The following POU6F2 variants were observed in gnomAD, a reference collection of about 807,000 sequenced individuals.
POU6F2 encodes the protein POU class 6 homeobox 2, also known as POU domain, class 6, transcription factor 2.
A neutral mutation model predicts 71.3 loss-of-function variants in POU6F2; 31 were observed. The ratio of observed to expected loss-of-function variants is 0.43; its 90% confidence interval spans 0.33 to 0.59. The LOEUF is 0.59. POU6F2 is among the 20% of genes least tolerant of loss of function. POU6F2 has a pLI of 0.04. For synonymous variants in POU6F2, 347 were observed against 355.7 expected (o/e 0.98, Z 0.27); for missense variants, 783 against 856.8 (o/e 0.91, Z 1.07).
rs1376059853 is a variant in POU6F2, at chr7:39,073,466, A to C, written c.106-12394A>C. ...GAAGATTTAGCTAATCTTTCCAATC[A>C]CATTCTTCCTTCCTCCCCACCCCCA... On this transcript the variant is annotated intron_variant, in intron 1 of 9. Coordinates refer to ENST00000518318, the MANE Select transcript of POU6F2 (RefSeq NM_001370959.1). Among the ~76,000 whole-genome samples, 3 of 151,346 alleles carry C rather than the reference A, an allele frequency of 2.0e-5. No individual in the cohort carries two copies. The East Asian group carries it at 5.8e-4, about 29-fold the overall frequency.
chr7:39,288,420 T>C (rs1316907836), intron 4 of POU6F2, among the ~76,000 whole-genome samples: 1 of 152,202 alleles, frequency 6.6e-6, no homozygotes, highest in African/African-American at 2.4e-5. Flanking sequence ...AATATAGAGC[T>C]TCTAGCATAG....
At chr7:39,148,849 G>T (rs1375900584) in intron 2 of POU6F2, among the ~76,000 whole-genome samples, 1 of 152,216 alleles carries the variant, frequency 6.6e-6, no homozygotes, top group African/African-American at 2.4e-5. Context: ...ACATTGAGTG[G>T]CAGGAGTTGT....
chr7:39,397,814 G>GTGTATATATATATATATATATA (rs1554349981), intron 5 of POU6F2, among the ~76,000 whole-genome samples: 1 of 128,446 alleles, frequency 7.8e-6, no homozygotes, highest in African/African-American at 3.3e-5. Flanking sequence ...TATATTTTGT[G>GTGTATATATATATATATATATA]TATATATATA....
chr7:39,348,652 G>T (rs909027034), intron 5 of POU6F2, among the ~76,000 whole-genome samples: 1 of 152,098 alleles, frequency 6.6e-6, no homozygotes, highest in Non-Finnish European at 1.5e-5. Flanking sequence ...GTTCATTTTG[G>T]TTATTAGTGA....
intron 4 of POU6F2, among the ~76,000 whole-genome samples, chr7:39,281,739 T>C (rs554875314): frequency 1.8e-4 from 28 of 152,322 alleles, no homozygotes; most frequent in Non-Finnish European, 2.6e-4. Flanking sequence ...ATCTTGACTG[T>C]TGTGAGTAGT....
intron 1 of POU6F2, among the ~76,000 whole-genome samples, chr7:39,011,422 C>T (rs1172200378): frequency 6.7e-6 from 1 of 148,810 alleles, no homozygotes; most frequent in African/African-American, 2.5e-5. Context: ...TGTGTCTCTG[C>T]ACGTGAGATG....
chr7:39,016,050 T>C (rs755928640), intron 1 of POU6F2, among the ~76,000 whole-genome samples: 1 of 65,416 alleles, frequency 1.5e-5, no homozygotes, highest in Non-Finnish European at 3.2e-5. Flanking sequence ...TTATATATTA[T>C]ATATATTATA....
At chr7:39,401,501 T>C (rs1036608223) in intron 5 of POU6F2, among the ~76,000 whole-genome samples, 2 of 152,208 alleles carry the variant, frequency 1.3e-5, no homozygotes, top group African/African-American at 4.8e-5. Context: ...CTTCCAGTAT[T>C]TGTCTACTGA....
chr7:38,983,025 A>G (rs927610740), intron 1 of POU6F2, among the ~76,000 whole-genome samples: 16 of 152,154 alleles, frequency 1.1e-4, no homozygotes, highest in African/African-American at 3.6e-4. Flanking sequence ...AAATTGGAAT[A>G]TAATTAACAT....
intron 1 of POU6F2, among the ~76,000 whole-genome samples, chr7:38,996,057 T>TTTTTTTTTTTG (rs1788728464): frequency 2.3e-5 from 2 of 88,878 alleles, no homozygotes; most frequent in Non-Finnish European, 4.6e-5. Flanking sequence ...TTTTTTTTTT[T>TTTTTTTTTTTG]AGACAGAATT....
At chr7:39,077,401 T>G (rs1356250704) in intron 1 of POU6F2, among the ~76,000 whole-genome samples, 1 of 152,252 alleles carries the variant, frequency 6.6e-6, no homozygotes, top group African/African-American at 2.4e-5. Flanking sequence ...AGTCCAGAAC[T>G]GGCAAACTCC....
rs1793962180 is a variant in POU6F2 at position 39,204,264 on chromosome 7, C to T, written c.307C>T (p.Pro103Ser). The T allele has an allele frequency of 6.2e-7, 1 of 1,613,470 alleles. No homozygotes were observed. Among genetic ancestry groups the T allele is most frequent in the Admixed American group, 1.7e-5 (1 of 59,954 alleles). The change falls in exon 3 of 10, where the codon CCA becomes TCA. Residue 103 changes from proline to serine, a missense_variant. Transcript: ENST00000518318. ...TAGAGGAAACCCAGCATTATCAGAC[C>T]CAGGCACTCCTGACCAACACCAGGC... ...GARGNPALSDPGTPDQHQASQ... is the reference protein window; with the variant it reads ...GARGNPALSDSGTPDQHQASQ...
intron 4 of POU6F2, among the ~76,000 whole-genome samples, chr7:39,293,035 A>G (rs1175246806): frequency 6.6e-6 from 1 of 152,098 alleles, no homozygotes; most frequent in African/African-American, 2.4e-5. Context: ...AGGCAAATAA[A>G]AAGAACCTAG....
In POU6F2 at chr7:39,000,866, C is replaced by A. The variant is rs184540755; in HGVS notation, c.105+22808C>A. On this transcript the variant is annotated intron_variant, in intron 1 of 9. Transcript: ENST00000518318. The stretch of plus-strand genomic sequence containing the variant: ...CTTTCCTTTTCCTTAGATCTCCCAA[C>A]ACCTTGGTCCTTGGCAAGCAAAAAA... 1.3e-3 allele frequency among the ~76,000 whole-genome samples: 193 copies of A among 152,292 alleles called. 3 individuals are homozygous for A. The Middle Eastern group carries it at 0.017, about 13-fold the overall frequency.
At chr7:39,357,982 G>T (rs1257980469) in intron 5 of POU6F2, among the ~76,000 whole-genome samples, 3 of 152,172 alleles carry the variant, frequency 2.0e-5, no homozygotes, top group Non-Finnish European at 4.4e-5. Context: ...GAGAAAGAGA[G>T]AGAGTGAGCT....
intron 4 of POU6F2, among the ~76,000 whole-genome samples, chr7:39,215,701 C>T (rs1230318970): frequency 6.6e-6 from 1 of 152,062 alleles, no homozygotes; most frequent in East Asian, 1.9e-4. Flanking sequence ...GGAAGCGTGG[C>T]AGGGATGGGG....
chr7:39,335,224 T>G (rs12701735), intron 4 of POU6F2, among the ~76,000 whole-genome samples: 45,077 of 152,108 alleles, frequency 0.3, 7,416 homozygotes, highest in Non-Finnish European at 0.37. Flanking sequence ...ACTCTGTTGC[T>G]TATAATAACA....
chr7:39,267,456 C>T (rs1037591333), intron 4 of POU6F2, among the ~76,000 whole-genome samples: 4 of 152,254 alleles, frequency 2.6e-5, no homozygotes, highest in East Asian at 1.9e-4. Context: ...CAGGGAGCCC[C>T]GCATCTGTTG....
At chr7:39,404,926 C>T (rs950090383) in intron 5 of POU6F2, 7 of 152,174 alleles carry the variant, frequency 4.6e-5, no homozygotes, top group African/African-American at 1.4e-4. Context: ...TCAAGACCAA[C>T]CTGAATTTTA....
Sources: gnomAD v4.1 joint callset for allele counts (sites outside exome capture counted in the v4.1 genomes callset) on GRCh38, gnomAD v4.1.1 for gene constraint, MANE v1.5 for transcripts, NCBI Gene and HGNC (gene_info 2026-07-23, HGNC 2026-07-21) for gene names.